The following SPTLC2 variants were observed in gnomAD, a reference collection of about 807,000 sequenced individuals.
The protein encoded by SPTLC2 is serine palmitoyltransferase long chain base subunit 2.
In SPTLC2, 21 loss-of-function variants were observed where a neutral mutation model predicts 62.0. The observed-to-expected ratio is 0.34, with a 90% CI of 0.24 to 0.49. SPTLC2 has a LOEUF of 0.49. Ranked by LOEUF, SPTLC2 falls within the 20% of genes least tolerant of loss-of-function variation. SPTLC2 has a pLI of 0.99. For synonymous variants in SPTLC2, 261 were observed against 261.8 expected, an observed-to-expected ratio of 1.00 and a Z score of 0.03; for missense variants, 511 against 713.0, an observed-to-expected ratio of 0.72 and a Z score of 3.23.
rs2079324311 is a variant in SPTLC2 at position 77,509,981 on chromosome 14, A to C, written c.*2303T>G. On this transcript the variant is annotated 3_prime_UTR_variant, in exon 12 of 12. Transcript: ENST00000216484. The stretch of plus-strand genomic sequence containing the variant: ...AGACTAGCAGGTAAGTTCATTGCTT[A>C]TAAGTTTGTGACTTTTACAAACCCT... 5.0e-6 allele frequency: 2 copies of C among 398,304 alleles called. No homozygotes were observed. Among genetic ancestry groups the C allele is most frequent in the East Asian group, 3.6e-5 (1 of 28,014 alleles). 24.7% of individuals were successfully genotyped at this position (398,304 alleles called of 1,614,324 possible).
At chr14:77,579,324 C>T (rs768971768) in intron 2 of SPTLC2, among the ~76,000 whole-genome samples, 2 of 152,178 alleles carry the variant, frequency 1.3e-5, no homozygotes, top group Non-Finnish European at 2.9e-5. Flanking sequence ...TCATCATCCA[C>T]CCTCACTCCC....
At chr14:77,595,279 T>G (rs2079840414) in intron 2 of SPTLC2, among the ~76,000 whole-genome samples, 1 of 151,926 alleles carries the variant, frequency 6.6e-6, no homozygotes, top group African/African-American at 2.4e-5. Flanking sequence ...GCATGAGAAT[T>G]GCTTGGACCC....
intron 8 of SPTLC2, among the ~76,000 whole-genome samples, chr14:77,553,520 A>AAG (rs2079566247): frequency 6.6e-6 from 1 of 152,054 alleles, no homozygotes. Flanking sequence ...TCACGAGGTC[A>AAG]AGAGATCGAG....
At chr14:77,553,740 A>AC (rs989478211) in intron 8 of SPTLC2, among the ~76,000 whole-genome samples, 4 of 151,630 alleles carry the variant, frequency 2.6e-5, no homozygotes, top group African/African-American at 9.7e-5. Context: ...AAAAAAAAAA[A>AC]AAAAAAAAAA....
chr14:77,535,248 T>G (rs1343027021), intron 9 of SPTLC2, among the ~76,000 whole-genome samples: 1 of 152,048 alleles, frequency 6.6e-6, no homozygotes, highest in Non-Finnish European at 1.5e-5. Flanking sequence ...TTCTATAAAC[T>G]GCCAAGACCC....
At chr14:77,523,634 G>A (rs1314253801) in intron 9 of SPTLC2, among the ~76,000 whole-genome samples, 2 of 152,210 alleles carry the variant, frequency 1.3e-5, no homozygotes, top group African/African-American at 2.4e-5. Flanking sequence ...GCACTCACAT[G>A]GAGCTGGGAA....
rs2079855086 is a variant in SPTLC2 at position 77,597,703 on chromosome 14, A to G, written c.133-323T>C. 2.6e-5 allele frequency among the ~76,000 whole-genome samples: 4 copies of G among 151,266 alleles called. No homozygotes were observed. In the South Asian group the frequency reaches 8.4e-4, roughly 32 times the overall value. On this transcript the variant is annotated intron_variant, in intron 1 of 11. Transcript: ENST00000216484. ...GGAGGAGAGTTGCTTGAATCTGGGA[A>G]GTGGAGGCTGCAGTAAGCCAAGATC... is the stretch of plus-strand genomic sequence containing the variant.
Position 77,533,374 on chromosome 14 carries a change from C to G in SPTLC2, c.1304-11793G>C, listed in dbSNP as rs28461747. On this transcript the variant is annotated intron_variant, in intron 9 of 11. Coordinates refer to ENST00000216484, the MANE Select transcript of SPTLC2 (RefSeq NM_004863.4). ...AATGTATAACAAAGTCCTCCTAAAA[C>G]AGTTTTTGTAGAAATAATATGCTCT... 5.2e-3 allele frequency among the ~76,000 whole-genome samples: 775 copies of G among 148,974 alleles called. 7 individuals are homozygous for G. The highest frequency in any genetic ancestry group is 0.018 in the African/African-American group (728 of 40,364).
chr14:77,614,663 C>CA (rs3216478), intron 1 of SPTLC2, among the ~76,000 whole-genome samples: 64,732 of 143,566 alleles, frequency 0.45, 14,448 homozygotes, highest in East Asian at 0.64. Flanking sequence ...GACTCCATCT[C>CA]AAAAAAAACC....
chr14:77,584,062 T>C (rs2079768214), intron 2 of SPTLC2, among the ~76,000 whole-genome samples: 1 of 152,218 alleles, frequency 6.6e-6, no homozygotes, highest in South Asian at 2.1e-4. Flanking sequence ...CTCTTGGATT[T>C]GCTGCTTAGA....
chr14:77,558,185 T>C (rs2079595241), intron 6 of SPTLC2, among the ~76,000 whole-genome samples: 1 of 152,078 alleles, frequency 6.6e-6, no homozygotes, highest in Admixed American at 6.6e-5. Context: ...GTAGCTCGGA[T>C]TACCAGCACC....
chr14:77,599,814 A>T (rs1395292669), intron 1 of SPTLC2, among the ~76,000 whole-genome samples: 1 of 152,254 alleles, frequency 6.6e-6, no homozygotes, highest in East Asian at 1.9e-4. Flanking sequence ...ACAATATAAA[A>T]AAGTTATTAA....
At position 77,576,901 on chromosome 14, in the gene SPTLC2, A is replaced by G. The variant is rs1031891562; in HGVS notation, c.497T>C (p.Ile166Thr). 6.2e-7 allele frequency: 1 copy of G among 1,614,174 alleles called. No homozygotes were observed. Among genetic ancestry groups the G allele is most frequent in the Non-Finnish European group, 8.5e-7 (1 of 1,180,030 alleles). ...YNWSFKYTGNIIKGVINMGSY... is the reference protein window; with the variant it reads ...YNWSFKYTGNTIKGVINMGSY... Reference sequence around the variant, plus strand: ...ACCCATGTTTATAACACCCTTTATTATATTCCCTGTATACCTGTGCATCAA... The same window carrying G: ...ACCCATGTTTATAACACCCTTTATTGTATTCCCTGTATACCTGTGCATCAA... The change falls in exon 4 of 12, where the codon ATA (isoleucine) becomes ACA (threonine). Residue 166 changes from isoleucine (I) to threonine (T), a missense_variant. Coordinates refer to ENST00000216484, the MANE Select transcript of SPTLC2 (RefSeq NM_004863.4).
rs985020624 is a variant in SPTLC2 at position 77,597,318 on chromosome 14, T to G, written c.195A>C (p.Glu65Asp). Reference protein sequence around the residue: ...YKRPFNEAFEETPMLVAVLTY... With the variant: ...YKRPFNEAFEDTPMLVAVLTY... ...TGAGCACAGCAACCAGCATTGGTGT[T>G]TCTTCAAAAGCTTCATTAAACGGTC... Residue 65 changes from glutamate (E) to aspartate (D), a missense_variant, in exon 2 of 12, where the codon GAA becomes GAC. By Grantham distance (45) the Glu-to-Asp change is conservative. Transcript: ENST00000216484. The G allele has an allele frequency of 1.9e-6, 3 of 1,614,078 alleles. No individual in the cohort carries two copies. The African/African-American group carries it at 4.0e-5, about 22-fold the overall frequency.
intron 4 of SPTLC2, among the ~76,000 whole-genome samples, chr14:77,575,177 A>G (rs1469450875): frequency 6.6e-6 from 1 of 152,152 alleles, no homozygotes; most frequent in Non-Finnish European, 1.5e-5. Context: ...AGCTGACTGC[A>G]CCACCGCACT....
At chr14:77,602,906 G>A (rs762931127) in intron 1 of SPTLC2, among the ~76,000 whole-genome samples, 10 of 152,200 alleles carry the variant, frequency 6.6e-5, no homozygotes, top group Non-Finnish European at 1.3e-4. Context: ...TTTGTCAAAC[G>A]TCCTAATGAT....
intron 2 of SPTLC2, among the ~76,000 whole-genome samples, chr14:77,589,517 C>T (rs1181603655): frequency 1.3e-5 from 2 of 149,746 alleles, no homozygotes; most frequent in East Asian, 2.0e-4. Context: ...TGGCCAGGCA[C>T]GGTGGCTCAT....
intron 1 of SPTLC2, among the ~76,000 whole-genome samples, chr14:77,610,901 C>A (rs2079931921): frequency 6.9e-6 from 1 of 145,788 alleles, no homozygotes; most frequent in Admixed American, 7.1e-5. Context: ...GTCTCCCTCT[C>A]TCTTTATATA....
At position 77,508,387 on chromosome 14, in the gene SPTLC2, T is replaced by C. The variant is rs1047198442; in HGVS notation, c.*3897A>G. ...GAAAGATACCTTGGGAATTAGGTCA[T>C]AGCAATGCTTCAAACAACAACTGCC... On this transcript the variant is annotated 3_prime_UTR_variant, in exon 12 of 12. Transcript: ENST00000216484. The C allele has an allele frequency of 6.6e-6, 1 of 152,212 alleles. No homozygotes were observed. Among genetic ancestry groups the C allele is most frequent in the South Asian group, 2.1e-4 (1 of 4,828 alleles). 9.4% of individuals were successfully genotyped at this position (152,212 alleles called of 1,614,324 possible).
Sources: gnomAD v4.1 joint callset for allele counts (sites outside exome capture counted in the v4.1 genomes callset) on GRCh38, gnomAD v4.1.1 for gene constraint, MANE v1.5 for transcripts, NCBI Gene and HGNC (gene_info 2026-07-23, HGNC 2026-07-21) for gene names.